The following KCNIP4 variants were observed in gnomAD, a reference collection of about 807,000 sequenced individuals.
KCNIP4 encodes Kv channel-interacting protein 4.
KCNIP4 carries 12 observed loss-of-function variants against 34.0 expected under a neutral mutation model. The ratio of observed to expected loss-of-function variants is 0.35; its 90% CI spans 0.23 to 0.57. The LOEUF is 0.57. KCNIP4 is among the 20% of genes least tolerant of loss of function. KCNIP4 has a pLI of 0.83. For missense variants in KCNIP4, 238 were observed against 311.7 expected (o/e 0.76, Z 1.78); for synonymous variants, 124 against 102.2 (o/e 1.21, Z -1.29).
At chr4:20,762,242 T>A (rs1402399987) in intron 3 of KCNIP4, among the ~76,000 whole-genome samples, 1 of 152,140 alleles carries the variant, frequency 6.6e-6, no homozygotes, top group Non-Finnish European at 1.5e-5. Context: ...GGGTCTTTTA[T>A]AAAAGGACAC....
At chr4:21,746,735 C>T (rs534753991) in intron 1 of KCNIP4, among the ~76,000 whole-genome samples, 1 of 151,950 alleles carries the variant, frequency 6.6e-6, no homozygotes, top group South Asian at 2.1e-4. Context: ...CTAATGTAAA[C>T]TCAACACTTC....
At chr4:20,920,100 T>C (rs1010099285) in intron 1 of KCNIP4, among the ~76,000 whole-genome samples, 1 of 152,232 alleles carries the variant, frequency 6.6e-6, no homozygotes, top group African/African-American at 2.4e-5. Context: ...TATTTCAGAA[T>C]GTAATTTTCA....
At chr4:21,378,290 C>T (rs1374300578) in intron 1 of KCNIP4, among the ~76,000 whole-genome samples, 1 of 152,154 alleles carries the variant, frequency 6.6e-6, no homozygotes, top group Non-Finnish European at 1.5e-5. Context: ...AATGTTAGCA[C>T]TATCTTTTAA....
At chr4:21,221,485 C>A (rs1315506466) in intron 1 of KCNIP4, among the ~76,000 whole-genome samples, 1 of 152,084 alleles carries the variant, frequency 6.6e-6, no homozygotes, top group African/African-American at 2.4e-5. Flanking sequence ...GTAGGAGGGA[C>A]AAGTGCCTAG....
intron 1 of KCNIP4, among the ~76,000 whole-genome samples, chr4:21,390,571 A>C (rs1722473447): frequency 6.6e-6 from 1 of 152,064 alleles, no homozygotes; most frequent in South Asian, 2.1e-4. Flanking sequence ...TCCTTTCCCC[A>C]TTTCTTGTTT....
intron 1 of KCNIP4, among the ~76,000 whole-genome samples, chr4:21,616,410 C>G (rs758927831): frequency 6.6e-6 from 1 of 152,182 alleles, no homozygotes; most frequent in Non-Finnish European, 1.5e-5. Flanking sequence ...TCAGCACCAC[C>G]GGTGCAGAAG....
intron 1 of KCNIP4, among the ~76,000 whole-genome samples, chr4:21,484,073 A>G (rs1731697159): frequency 6.6e-6 from 1 of 151,992 alleles, no homozygotes; most frequent in Non-Finnish European, 1.5e-5. Flanking sequence ...GGACTAATAA[A>G]TTTGGATAGC....
chr4:21,936,103 T>A (rs1309178881), intron 1 of KCNIP4, among the ~76,000 whole-genome samples: 1 of 151,952 alleles, frequency 6.6e-6, no homozygotes, highest in African/African-American at 2.4e-5. Flanking sequence ...TGAAGGAAAG[T>A]AAAGCAGGGT....
chr4:21,386,899 G>A (rs140878806), intron 1 of KCNIP4, among the ~76,000 whole-genome samples: 69 of 152,190 alleles, frequency 4.5e-4, no homozygotes, highest in Non-Finnish European at 6.3e-4. Flanking sequence ...AAAGGAACAG[G>A]ACATCCAGAA....
intron 1 of KCNIP4, among the ~76,000 whole-genome samples, chr4:21,383,384 CT>C (rs1478557179): frequency 6.7e-6 from 1 of 149,996 alleles, no homozygotes; most frequent in African/African-American, 2.5e-5. Context: ...AGAATAGCTT[CT>C]TTGATAAGGG....
intron 1 of KCNIP4, among the ~76,000 whole-genome samples, chr4:21,109,634 C>T (rs1748968339): frequency 1.3e-5 from 2 of 152,186 alleles, no homozygotes; most frequent in Non-Finnish European, 2.9e-5. Flanking sequence ...GTCTGGCACT[C>T]CCTAGTGAGA....
At chr4:21,578,150 A>G (rs1475745112) in intron 1 of KCNIP4, among the ~76,000 whole-genome samples, 4 of 152,004 alleles carry the variant, frequency 2.6e-5, no homozygotes, top group Non-Finnish European at 5.9e-5. Flanking sequence ...CCTTGCCAAC[A>G]TGGTGAAACC....
intron 3 of KCNIP4, among the ~76,000 whole-genome samples, chr4:20,805,186 CTTTTTTTTTTTT>C (rs10552321): frequency 1.2e-4 from 11 of 92,078 alleles, no homozygotes; most frequent in Non-Finnish European, 2.1e-4. Context: ...TAGATGCTTC[CTTTTTTTTTTTT>C]TTTTTTTTTT....
At chr4:21,866,180 ATAATCAGCAGC>A (rs1320591516) in intron 1 of KCNIP4, among the ~76,000 whole-genome samples, 1 of 152,202 alleles carries the variant, frequency 6.6e-6, no homozygotes, top group African/African-American at 2.4e-5. Flanking sequence ...AAACATACAG[ATAATCAGCAGC>A]TTAAATTGAA....
intron 1 of KCNIP4, among the ~76,000 whole-genome samples, chr4:21,737,985 T>A (rs1716111734): frequency 6.6e-6 from 1 of 151,758 alleles, no homozygotes; most frequent in Admixed American, 6.6e-5. Flanking sequence ...CCAGCTACTC[T>A]GCAGGCTGAA....
chr4:21,569,819 T>G (rs1740224135), intron 1 of KCNIP4, among the ~76,000 whole-genome samples: 1 of 151,812 alleles, frequency 6.6e-6, no homozygotes, highest in Non-Finnish European at 1.5e-5. Context: ...AATGAACGAA[T>G]CTGAAAGGAG....
intron 1 of KCNIP4, among the ~76,000 whole-genome samples, chr4:21,068,192 A>G (rs559097308): frequency 6.6e-6 from 1 of 151,976 alleles, no homozygotes; most frequent in Non-Finnish European, 1.5e-5. Flanking sequence ...TCTGTACCCA[A>G]TTTCTTTCCC....
intron 2 of KCNIP4, among the ~76,000 whole-genome samples, chr4:20,855,689 C>T (rs1177919335): frequency 6.6e-6 from 1 of 151,786 alleles, no homozygotes; most frequent in Admixed American, 6.6e-5. Context: ...GGTGATGAAA[C>T]AAACACTTGG....
chr4:21,150,043 C>T (rs1397476558), intron 1 of KCNIP4, among the ~76,000 whole-genome samples: 1 of 152,050 alleles, frequency 6.6e-6, no homozygotes, highest in Non-Finnish European at 1.5e-5. Flanking sequence ...GTTGTCATAT[C>T]AGGGCAATGA....
Sources: gnomAD v4.1 joint callset for allele counts (sites outside exome capture counted in the v4.1 genomes callset) on GRCh38, gnomAD v4.1.1 for gene constraint, MANE v1.5 for transcripts, NCBI Gene and HGNC (gene_info 2026-07-23, HGNC 2026-07-21) for gene names.